The following MICAL2 variants were observed in gnomAD, a reference collection of about 807,000 sequenced individuals.
The protein encoded by MICAL2 is [F-actin]-monooxygenase MICAL2.
Under a neutral mutation model 127.3 loss-of-function variants are expected in MICAL2, and 77 were observed. The observed-to-expected ratio is 0.60, with a 90% confidence interval of 0.50 to 0.73. The LOEUF (loss-of-function observed/expected upper bound fraction) is 0.73. MICAL2 is among the 30% of genes least tolerant of loss of function. The pLI is 0.00. For synonymous variants in MICAL2, 570 were observed against 551.1 expected, an observed-to-expected ratio of 1.03 and a Z score of -0.48; for missense variants, 1,351 against 1,434.4, an observed-to-expected ratio of 0.94 and a Z score of 0.94.
chr11:12,241,171 C>T lies in MICAL2; in HGVS notation c.2337+9C>T. On this transcript the variant is annotated intron_variant, in intron 18 of 27. Transcript: ENST00000683283. The stretch of plus-strand genomic sequence containing the variant: ...CTCCTCTGAAAAGGCAGGTAGGGCT[C>T]CTTCCAGTGGATGCTGTTTTGGTGA... 1 of 1,611,896 alleles carries T rather than the reference C, an allele frequency of 6.2e-7. No homozygotes were observed. The highest frequency in any genetic ancestry group is 8.5e-7 in the Non-Finnish European group (1 of 1,178,846).
chr11:12,154,440 G>C (rs1853943488), intron 2 of MICAL2, among the ~76,000 whole-genome samples: 1 of 152,154 alleles, frequency 6.6e-6, no homozygotes, highest in Non-Finnish European at 1.5e-5. Flanking sequence ...TGTAAGAGGG[G>C]TTGTAAAAGT....
chr11:12,292,108 C>T (rs1388071331), downstream of MICAL2: 5 of 1,596,708 alleles, frequency 3.1e-6, no homozygotes, highest in Non-Finnish European at 4.3e-6. Context: ...AATAATAACA[C>T]CTTTGTAATG....
At chr11:12,199,857 G>A (rs1207929389) in intron 3 of MICAL2, among the ~76,000 whole-genome samples, 3 of 152,212 alleles carry the variant, frequency 2.0e-5, no homozygotes, top group African/African-American at 4.8e-5. Flanking sequence ...TCCTGCAGGT[G>A]TTGGTTCTGC....
intron 6 of MICAL2, among the ~76,000 whole-genome samples, chr11:12,211,648 A>G (rs748069705): frequency 6.6e-6 from 1 of 152,152 alleles, no homozygotes; most frequent in Non-Finnish European, 1.5e-5. Flanking sequence ...AGGGAGACAC[A>G]CTGTTGAAAA....
At chr11:12,229,209 A>G (rs1475404749) in intron 15 of MICAL2, among the ~76,000 whole-genome samples, 3 of 152,064 alleles carry the variant, frequency 2.0e-5, no homozygotes, top group Admixed American at 6.5e-5. Flanking sequence ...TGTTTTGCCA[A>G]CCCCAGGAGC....
At chr11:12,179,151 C>A (rs889251942) in intron 3 of MICAL2, among the ~76,000 whole-genome samples, 2 of 152,162 alleles carry the variant, frequency 1.3e-5, no homozygotes, top group Admixed American at 1.3e-4. Context: ...CCAGCCTGGC[C>A]CAGTGACCTG....
In MICAL2 at chr11:12,221,699, C is replaced by T. The variant is rs551173351; in HGVS notation, c.1262C>T (p.Thr421Met). The T allele has an allele frequency of 2.4e-5, 38 of 1,613,814 alleles. No individual in the cohort carries two copies. The highest frequency in any genetic ancestry group is 1.6e-4 in the Middle Eastern group (1 of 6,068). Residue 421 changes from threonine (T) to methionine (M), a missense_variant, in exon 10 of 28, where the codon ACG becomes ATG. Around this residue, in one of 2 missense-constraint regions of MICAL2, gnomAD observed 599 missense variants for 714.9 expected, o/e 0.84. Transcript: ENST00000683283. ...CARGFLAAFDTAWMVKSWNQG... is the reference protein window; with the variant it reads ...CARGFLAAFDMAWMVKSWNQG... ...CGTGGCTTCCTGGCAGCCTTTGACA[C>T]GGCATGGATGGTGAAGAGCTGGAAC...
At chr11:12,223,240 G>T (rs1022805932) in intron 11 of MICAL2, among the ~76,000 whole-genome samples, 171 bp from the exon 12 acceptor site, 1 of 152,144 alleles carries the variant, frequency 6.6e-6, no homozygotes, top group Admixed American at 6.5e-5. Flanking sequence ...GAAGATTGAG[G>T]CCCATTGCTC....
At chr11:12,347,439 CCAGTACCTAAGG>C (rs1338777969) in intron 32 of MICAL2, among the ~76,000 whole-genome samples, 3 of 152,274 alleles carry the variant, frequency 2.0e-5, no homozygotes, top group Admixed American at 1.3e-4. Flanking sequence ...CACTGTATCT[CCAGTACCTAAGG>C]CAATACCAAC....
chr11:12,229,013 G>A (rs2134355082), intron 15 of MICAL2, among the ~76,000 whole-genome samples: 1 of 152,288 alleles, frequency 6.6e-6, no homozygotes, highest in Admixed American at 6.5e-5. Context: ...AGGACAGTGG[G>A]CTGGAAGCCT....
chr11:12,276,879 C>T (rs1424488585), intron 1 of MICAL2, among the ~76,000 whole-genome samples: 1 of 152,206 alleles, frequency 6.6e-6, no homozygotes, highest in African/African-American at 2.4e-5. Flanking sequence ...CACCTATGCG[C>T]CAGGTCGATA....
chr11:12,223,472 T>C lies in MICAL2; in HGVS notation c.1511T>C (p.Val504Ala), dbSNP rs1565194435. ...EHYPLERLGS[V>A]RRSVNLSRKE... ...TACCCTCTCGAGAGACTGGGCTCGG[T>C]GAGGAGATCTGTCAACCTCTCCAGG... is the stretch of plus-strand genomic sequence containing the variant. The change falls in exon 12 of 28, where the codon GTG (valine) becomes GCG (alanine). Residue 504 changes from valine (V) to alanine (A), a missense_variant. Coordinates refer to ENST00000683283, the MANE Select transcript of MICAL2 (RefSeq NM_001282663.2). 6.2e-7 allele frequency: 1 copy of C among 1,614,022 alleles called. No homozygotes were observed. The highest frequency in any genetic ancestry group is 1.3e-5 in the African/African-American group (1 of 75,024).
At chr11:12,340,232 A>C (rs139386264) in intron 32 of MICAL2, among the ~76,000 whole-genome samples, 1 of 152,350 alleles carries the variant, frequency 6.6e-6, no homozygotes, top group African/African-American at 2.4e-5. Context: ...CCCAATATAA[A>C]TATAGACAAA....
intron 3 of MICAL2, among the ~76,000 whole-genome samples, chr11:12,186,229 A>G (rs562789177): frequency 6.6e-6 from 1 of 152,378 alleles, no homozygotes; most frequent in South Asian, 2.1e-4. Context: ...GGAATGAAGC[A>G]AAGGTTAGAC....
chr11:12,265,854 A>G (rs1863606168), downstream of MICAL2, among the ~76,000 whole-genome samples: 2 of 152,138 alleles, frequency 1.3e-5, no homozygotes, highest in Admixed American at 1.3e-4. Flanking sequence ...GGTAGCTCAC[A>G]CCTGTAATCC....
At chr11:12,174,142 T>G (rs1856578873) in intron 3 of MICAL2, among the ~76,000 whole-genome samples, 1 of 145,738 alleles carries the variant, frequency 6.9e-6, no homozygotes, top group Admixed American at 7.0e-5. Flanking sequence ...ATTAAAACTT[T>G]TCCAGTAACT....
At chr11:12,260,257 A>G (rs1367556359) in intron 26 of MICAL2, 27 of 1,435,868 alleles carry the variant, frequency 1.9e-5, no homozygotes, top group Admixed American at 5.6e-5. Context: ...GGCTCTGGCC[A>G]GGAAGCCTAG....
intron 3 of MICAL2, among the ~76,000 whole-genome samples, chr11:12,169,951 C>T (rs1448020072): frequency 1.3e-5 from 2 of 152,114 alleles, no homozygotes; most frequent in Non-Finnish European, 2.9e-5. Flanking sequence ...CCGGGCTTTG[C>T]TGAGTGGGCA....
At chr11:12,193,899 G>A (rs10437600) in intron 3 of MICAL2, among the ~76,000 whole-genome samples, 25,757 of 152,206 alleles carry the variant, frequency 0.17, 2,312 homozygotes, top group Admixed American at 0.2. Flanking sequence ...TCAGAGTTCA[G>A]CACATGCTGG....
Sources: allele counts gnomAD v4.1 joint callset (sites outside exome capture counted in the v4.1 genomes callset), GRCh38; gene constraint gnomAD v4.1.1; regional missense constraint gnomAD v4.1.1; transcripts MANE v1.5; gene names NCBI Gene and HGNC (gene_info 2026-07-23, HGNC 2026-07-21).